DHX15: variants seen among roughly 807,000 people sequenced by gnomAD.
The protein encoded by DHX15 is ATP-dependent RNA helicase DHX15.
In DHX15, 11 loss-of-function variants were observed where a neutral mutation model predicts 94.4. That is an observed-to-expected ratio of 0.12 (90% CI 0.07 to 0.19). The LOEUF is 0.19. Ranked by LOEUF, DHX15 falls within the 10% of genes least tolerant of loss-of-function variation. The probability of loss-of-function intolerance (pLI) is 1.00; values close to 1 mark genes in which losing one functional copy is unlikely to be tolerated. For synonymous variants in DHX15, 338 were observed against 329.9 expected (o/e 1.02, Z -0.27); for missense variants, 304 against 988.5 (o/e 0.31, Z 9.29).
At chr4:24,569,198 G>A (rs1466139223) in intron 3 of DHX15, among the ~76,000 whole-genome samples, 1 of 152,196 alleles carries the variant, frequency 6.6e-6, no homozygotes, top group Non-Finnish European at 1.5e-5. Context: ...AGACTGCTTC[G>A]AAATAACATG....
chr4:24,571,257 G>A lies in DHX15; in HGVS notation c.508-410C>T, dbSNP rs368531239. On this transcript the variant is annotated intron_variant, in intron 2 of 13. Transcript: ENST00000336812. ...CATACCCCCTTGTAACTCTGAAGCTGTACTTTTATTTAATTCAATTCAAAT... is the reference window on the plus strand; with the variant it reads ...CATACCCCCTTGTAACTCTGAAGCTATACTTTTATTTAATTCAATTCAAAT... 4.6e-5 allele frequency among the ~76,000 whole-genome samples: 7 copies of A among 152,178 alleles called. No individual in the cohort carries two copies. In the East Asian group the frequency reaches 7.7e-4, roughly 17 times the overall value.
At chr4:24,543,391 A>G (rs1165276231) in intron 6 of DHX15, among the ~76,000 whole-genome samples, 1 of 152,156 alleles carries the variant, frequency 6.6e-6, no homozygotes, top group Non-Finnish European at 1.5e-5. Flanking sequence ...TTAGTATTCA[A>G]ATTTCCACAA....
chr4:24,550,350 TTAC>T (rs1466985140), intron 5 of DHX15, among the ~76,000 whole-genome samples: 3 of 152,080 alleles, frequency 2.0e-5, no homozygotes, highest in Admixed American at 6.5e-5. Flanking sequence ...TAACCTTAGC[TTAC>T]TACAACTTTT....
chr4:24,584,022 G>A (rs531715455), intron 1 of DHX15, among the ~76,000 whole-genome samples: 39 of 152,328 alleles, frequency 2.6e-4, no homozygotes, highest in African/African-American at 8.7e-4. Context: ...ACTCCCGCCC[G>A]ACGCCCTCGC....
chr4:24,550,169 G>T (rs1721562330), intron 5 of DHX15, among the ~76,000 whole-genome samples: 1 of 143,880 alleles, frequency 7.0e-6, no homozygotes, highest in Non-Finnish European at 1.5e-5. Flanking sequence ...CATGAAAGAA[G>T]TCTGCAGGAC....
chr4:24,540,403 C>CCA, intron 9 of DHX15, 104 bp from the exon 10 acceptor site: 1 of 950,912 alleles, frequency 1.1e-6, no homozygotes, highest in East Asian at 2.6e-5. Context: ...TTGCAGTGGA[C>CCA]CAAACTCAAA....
intron 3 of DHX15, among the ~76,000 whole-genome samples, chr4:24,568,943 C>T (rs2109007925): frequency 6.6e-6 from 1 of 152,194 alleles, no homozygotes; most frequent in South Asian, 2.1e-4. Flanking sequence ...AAATATGTCC[C>T]ATAAAGTCAT....
intron 3 of DHX15, among the ~76,000 whole-genome samples, chr4:24,569,419 C>G (rs1722067517): frequency 6.6e-6 from 1 of 152,030 alleles, no homozygotes; most frequent in East Asian, 1.9e-4. Flanking sequence ...AGTGAAACCA[C>G]AACTCTACTA....
At chr4:24,568,761 C>T (rs1170293601) in intron 3 of DHX15, among the ~76,000 whole-genome samples, 1 of 152,160 alleles carries the variant, frequency 6.6e-6, no homozygotes, top group African/African-American at 2.4e-5. Flanking sequence ...AAAATCTCCC[C>T]CTTATTATCC....
intron 2 of DHX15, among the ~76,000 whole-genome samples, chr4:24,575,989 T>G (rs1435908695): frequency 6.6e-6 from 1 of 152,016 alleles, no homozygotes; most frequent in East Asian, 1.9e-4. Context: ...TGTCCGGGAG[T>G]CAAAATACCT....
At chr4:24,563,178 A>G (rs1721919668) in intron 3 of DHX15, 1 of 151,530 alleles carries the variant, frequency 6.6e-6, no homozygotes, top group Non-Finnish European at 1.5e-5. Context: ...ATATATATGT[A>G]TGTATATATT....
chr4:24,547,925 A>G (rs371665667), intron 6 of DHX15, among the ~76,000 whole-genome samples: 2,266 of 50,906 alleles, frequency 0.045, 90 homozygotes, highest in African/African-American at 0.063. Flanking sequence ...ATATATATAT[A>G]TATATATATA....
At chr4:24,580,418 A>T (rs1409503294) in intron 1 of DHX15, among the ~76,000 whole-genome samples, 1 of 152,174 alleles carries the variant, frequency 6.6e-6, no homozygotes, top group African/African-American at 2.4e-5. Flanking sequence ...AAAAAATAAA[A>T]AAATTCTACA....
At chr4:24,529,013 A>G (rs910572152) in intron 13 of DHX15, among the ~76,000 whole-genome samples, 22 of 140,570 alleles carry the variant, frequency 1.6e-4, no homozygotes, top group Non-Finnish European at 2.4e-4. Flanking sequence ...AAAAAAATTA[A>G]AAAAAAACCC....
chr4:24,561,813 ACTAC>A (rs1721877965), intron 3 of DHX15, among the ~76,000 whole-genome samples: 1 of 152,090 alleles, frequency 6.6e-6, no homozygotes, highest in African/African-American at 2.4e-5. Flanking sequence ...AATCAGAAAA[ACTAC>A]CTGTCAGGTA....
intron 10 of DHX15, chr4:24,538,156 A>C (rs1226555786): frequency 6.6e-6 from 1 of 152,204 alleles, no homozygotes; most frequent in African/African-American, 2.4e-5. Context: ...AAATAAAAAT[A>C]CTTAACAGCT....
At position 24,537,243 on chromosome 4, in the gene DHX15, A is replaced by C; in HGVS notation, c.1787-70T>G. 1 of 1,599,598 alleles carries C rather than the reference A, an allele frequency of 6.3e-7. No homozygotes were observed. The highest frequency in any genetic ancestry group is 1.1e-5 in the South Asian group (1 of 89,342). ...GAGTCACGCATTCACAGATAGAGGA[A>C]CAAGGCCTAGCTAGGTCAGTTCACA... On this transcript the variant is annotated intron_variant, in intron 10 of 13. Transcript: ENST00000336812. The surrounding 1 kb of genome is among the most constrained non-coding windows in gnomAD (Gnocchi z 4.7).
chr4:24,530,528 G>A (rs1391804939), intron 12 of DHX15: 3 of 152,134 alleles, frequency 2.0e-5, no homozygotes, highest in Non-Finnish European at 4.4e-5. Context: ...AGTGAGCTGA[G>A]ATCAAGTCAC....
chr4:24,568,852 A>G (rs1330710954), intron 3 of DHX15, among the ~76,000 whole-genome samples: 1 of 152,264 alleles, frequency 6.6e-6, no homozygotes, highest in Non-Finnish European at 1.5e-5. Context: ...ATTGTCAATT[A>G]TACTGTAATT....
Sources: gnomAD v4.1 joint callset for allele counts (sites outside exome capture counted in the v4.1 genomes callset) on GRCh38, gnomAD v4.1.1 for gene constraint, Gnocchi (gnomAD v3.1) non-coding constraint, MANE v1.5 for transcripts, NCBI Gene and HGNC (gene_info 2026-07-23, HGNC 2026-07-21) for gene names.